The following ARMH4 variants were observed in gnomAD, a reference collection of about 807,000 sequenced individuals.
ARMH4 encodes armadillo like helical domain containing 4, also known as armadillo-like helical domain-containing protein 4.
Under a neutral mutation model 61.9 loss-of-function variants are expected in ARMH4, and 49 were observed. That is an observed-to-expected ratio of 0.79 (90% CI 0.63 to 1.00). ARMH4 has a LOEUF of 1.00. Among genes scored for constraint, ARMH4 ranks in the 50% least tolerant of loss-of-function variants. The probability of loss-of-function intolerance (pLI) is 0.00; values close to 1 mark genes in which losing one functional copy is unlikely to be tolerated. For missense variants in ARMH4, 934 were observed against 930.0 expected, an observed-to-expected ratio of 1.00 and a Z score of -0.06; for synonymous variants, 368 against 341.5, an observed-to-expected ratio of 1.08 and a Z score of -0.85.
chr14:58,093,074 T>C (rs1363151281), intron 5 of ARMH4, among the ~76,000 whole-genome samples: 1 of 152,046 alleles, frequency 6.6e-6, no homozygotes. Flanking sequence ...CATTTGATGA[T>C]TTTATAGGGG....
chr14:58,126,025 G>T (rs532305016), intron 4 of ARMH4, among the ~76,000 whole-genome samples: 2 of 152,112 alleles, frequency 1.3e-5, no homozygotes, highest in African/African-American at 4.8e-5. Flanking sequence ...GAGACCACAG[G>T]GGGAGGGACA....
intron 5 of ARMH4, among the ~76,000 whole-genome samples, chr14:58,051,405 C>T (rs1264942038): frequency 6.6e-6 from 1 of 152,132 alleles, no homozygotes; most frequent in Non-Finnish European, 1.5e-5. Flanking sequence ...AGGTAAGACC[C>T]ACACTCACTC....
intron 5 of ARMH4, among the ~76,000 whole-genome samples, chr14:58,059,878 G>A (rs908400700): frequency 3.9e-5 from 6 of 152,102 alleles, no homozygotes; most frequent in African/African-American, 9.7e-5. Flanking sequence ...TTTTTTTTGA[G>A]CAGACCGATA....
intron 5 of ARMH4, among the ~76,000 whole-genome samples, chr14:58,071,931 T>G (rs996598507): frequency 3.3e-5 from 5 of 152,232 alleles, no homozygotes; most frequent in Non-Finnish European, 7.3e-5. Context: ...GATGCTGTCT[T>G]TCTAATTTGT....
chr14:58,005,327 C>G (rs568670368), intron 6 of ARMH4, 145 bp from the exon 7 acceptor site: 1 of 1,026,692 alleles, frequency 9.7e-7, no homozygotes, highest in African/African-American at 1.6e-5. Context: ...GCCTAAAATA[C>G]AGTAACTTTT....
chr14:58,138,317 C>A lies in ARMH4; in HGVS notation c.1042G>T (p.Val348Leu). 1.2e-6 allele frequency: 2 copies of A among 1,614,242 alleles called. No homozygotes were observed. Among genetic ancestry groups the A allele is most frequent in the South Asian group, 2.2e-5 (2 of 91,082 alleles). ...VRTEMSQTAQ[V>L]SHEGMEGGQP... ...CCTCCTTCCATACCCTCATGGCTTA[C>A]TTGTGCTGTCTGAGACATCTCCGTT... The change falls in exon 2 of 8, where the codon GTA (valine) becomes TTA (leucine). Residue 348 changes from valine (V) to leucine (L), a missense_variant. By Grantham distance (32) the Val-to-Leu change is conservative (BLOSUM62 1). Coordinates refer to ENST00000267485, the MANE Select transcript of ARMH4 (RefSeq NM_001001872.4).
At chr14:58,080,241 T>C (rs1341983967) in intron 5 of ARMH4, among the ~76,000 whole-genome samples, 4 of 152,078 alleles carry the variant, frequency 2.6e-5, no homozygotes, top group Non-Finnish European at 4.4e-5. Context: ...GTGATTCTCC[T>C]GCCTCAGCCT....
In ARMH4 at chr14:58,004,281, C is replaced by T. The variant is rs2747106; in HGVS notation, c.*455G>A. On this transcript the variant is annotated 3_prime_UTR_variant, in exon 8 of 8. Coordinates refer to ENST00000267485, the MANE Select transcript of ARMH4 (RefSeq NM_001001872.4). ...ATGCAGTATGTACCATGGCCCACAA[C>T]CCTGTGGTTTCAAGTAGGTAGAGTA... The T allele has an allele frequency of 6.5e-6, 1 of 154,156 alleles. No homozygotes were observed. Among genetic ancestry groups the T allele is most frequent in the Admixed American group, 6.4e-5 (1 of 15,674 alleles). 9.5% of individuals were successfully genotyped at this position (154,156 alleles called of 1,614,324 possible).
intron 4 of ARMH4, among the ~76,000 whole-genome samples, chr14:58,113,837 A>G (rs1886429609): frequency 6.6e-6 from 1 of 151,772 alleles, no homozygotes; most frequent in Admixed American, 6.6e-5. Flanking sequence ...AATTATATTT[A>G]TATTTCTAAA....
rs76268786 is a variant in ARMH4 at position 58,048,768 on chromosome 14, A to C, written c.2090-36618T>G. 5.3e-5 allele frequency among the ~76,000 whole-genome samples: 8 copies of C among 152,336 alleles called. No homozygotes were observed. The East Asian group carries it at 1.5e-3, about 29-fold the overall frequency. ...AGACAAGGGAGAGCCAAGGAAAATA[A>C]TCTCTGTGAGTGACTGACATTGAGT... is the stretch of plus-strand genomic sequence containing the variant. On this transcript the variant is annotated intron_variant, in intron 5 of 7. Transcript: ENST00000267485.
In ARMH4 at chr14:58,150,166, G is replaced by C. The variant is rs1036012937; in HGVS notation, c.-57+1909C>G. 3.3e-5 allele frequency among the ~76,000 whole-genome samples: 5 copies of C among 152,136 alleles called. No individual in the cohort carries two copies. The East Asian group carries it at 9.6e-4, about 29-fold the overall frequency. ...GGTACACAAATGTAGCCATTTGCTT[G>C]GCTAGATCTCTAAGTAGCTGACATT... On this transcript the variant is annotated intron_variant, in intron 1 of 7. Coordinates refer to ENST00000267485, the MANE Select transcript of ARMH4 (RefSeq NM_001001872.4).
In ARMH4 at chr14:58,066,682, G is replaced by A. The variant is rs924808702; in HGVS notation, c.2089+30042C>T. ...AGAAACGTTTTTAGCCAGAAGGAAC[G>A]TCAGTATGTTCGCTTTTCCATGAGG... On this transcript the variant is annotated intron_variant, in intron 5 of 7. Transcript: ENST00000267485. Among the ~76,000 whole-genome samples the A allele has an allele frequency of 4.6e-5, 7 of 152,282 alleles. No homozygotes were observed. The East Asian group carries it at 5.8e-4, about 13-fold the overall frequency.
intron 5 of ARMH4, among the ~76,000 whole-genome samples, chr14:58,030,601 T>C (rs542166487): frequency 6.6e-6 from 1 of 152,332 alleles, no homozygotes; most frequent in African/African-American, 2.4e-5. Context: ...TGAAACTCTA[T>C]ACCCATTTTT....
chr14:58,065,069 C>A (rs1230134474), intron 5 of ARMH4, among the ~76,000 whole-genome samples: 1 of 152,246 alleles, frequency 6.6e-6, no homozygotes, highest in African/African-American at 2.4e-5. Context: ...TGGTGAAACC[C>A]CGTCTCTACT....
intron 5 of ARMH4, among the ~76,000 whole-genome samples, chr14:58,039,594 C>A (rs1425641003): frequency 2.0e-5 from 3 of 152,172 alleles, no homozygotes. Flanking sequence ...CAGGGATTAG[C>A]CTCCCTGAAC....
At chr14:58,070,479 C>T (rs1333593502) in intron 5 of ARMH4, among the ~76,000 whole-genome samples, 1 of 152,166 alleles carries the variant, frequency 6.6e-6, no homozygotes, top group Non-Finnish European at 1.5e-5. Context: ...TAAGAAGTTT[C>T]CCCATGGCTC....
At chr14:58,050,175 C>T (rs1025748592) in intron 5 of ARMH4, among the ~76,000 whole-genome samples, 2 of 152,216 alleles carry the variant, frequency 1.3e-5, no homozygotes, top group African/African-American at 4.8e-5. Context: ...TGGCTTTTAC[C>T]TCTGTGCGTT....
At chr14:58,016,499 G>T (rs1955633) in intron 5 of ARMH4, among the ~76,000 whole-genome samples, 36,164 of 151,940 alleles carry the variant, frequency 0.24, 4,779 homozygotes, top group East Asian at 0.56. Context: ...TCGATGATTT[G>T]TCTTTTATTC....
intron 5 of ARMH4, among the ~76,000 whole-genome samples, chr14:58,024,458 T>C (rs1882951465): frequency 6.6e-6 from 1 of 152,162 alleles, no homozygotes; most frequent in Non-Finnish European, 1.5e-5. Flanking sequence ...GACTTTGGCT[T>C]AAGGGAATGT....
Sources: gnomAD v4.1 joint callset for allele counts (sites outside exome capture counted in the v4.1 genomes callset) on GRCh38, gnomAD v4.1.1 for gene constraint, MANE v1.5 for transcripts, NCBI Gene and HGNC (gene_info 2026-07-23, HGNC 2026-07-21) for gene names.